The following SYMPK variants were observed in gnomAD, a reference collection of about 807,000 sequenced individuals.
SYMPK encodes symplekin scaffold protein.
SYMPK carries 49 observed loss-of-function variants against 136.4 expected under a neutral mutation model. The observed-to-expected ratio is 0.36, with a 90% confidence interval of 0.29 to 0.46. The LOEUF (loss-of-function observed/expected upper bound fraction) is 0.46, where lower values mean the gene tolerates loss of function less well. Ranked by LOEUF, SYMPK falls within the 20% of genes least tolerant of loss-of-function variation. SYMPK has a pLI of 1.00. For missense variants in SYMPK, 1,365 were observed against 1,690.0 expected (o/e 0.81, Z 3.37); for synonymous variants, 766 against 713.0 (o/e 1.07, Z -1.19).
chr19:45,816,698 T>C (rs1477286069), intron 24 of SYMPK, 100 bp downstream of exon 24: 3 of 1,499,056 alleles, frequency 2.0e-6, no homozygotes, highest in Admixed American at 2.2e-5. Context: ...CCTTCTTGTG[T>C]CCGCCTCCAT....
chr19:45,825,819 G>T (rs1008519469), intron 17 of SYMPK, among the ~76,000 whole-genome samples: 3 of 152,122 alleles, frequency 2.0e-5, no homozygotes, highest in Non-Finnish European at 4.4e-5. Flanking sequence ...CCTCCCGAAG[G>T]CTGTGCATCT....
rs1300689216 is a variant in SYMPK at position 45,838,441 on chromosome 19, C to T, written c.1242+20G>A. 2.2e-5 allele frequency: 36 copies of T among 1,600,298 alleles called. No individual in the cohort carries two copies. Among genetic ancestry groups the T allele is most frequent in the Middle Eastern group, 1.7e-4 (1 of 6,048 alleles). ...CCTTCCTTCCTGCCCAGGGGGAAAA[C>T]GCTCCCCACCCATCCTCACCAGATT... On this transcript the variant is annotated intron_variant, in intron 10 of 26. Transcript: ENST00000245934.
rs769791703 is a variant in SYMPK, at chr19:45,821,106, C to A, written c.2893+278G>T. 1.0e-5 allele frequency: 7 copies of A among 672,238 alleles called. No homozygotes were observed. Among genetic ancestry groups the A allele is most frequent in the Non-Finnish European group, 1.9e-5 (7 of 371,516 alleles). The allele number at this position is 672,238 out of a possible 1,614,324, so 41.6% of individuals were successfully genotyped here. The stretch of plus-strand genomic sequence containing the variant: ...GTGGGGCTACCCAACTGCTTTAGGC[C>A]CACTCTGTGCCAGGGCACAGCAGGT... On this transcript the variant is annotated intron_variant, in intron 22 of 26. Coordinates refer to ENST00000245934, the MANE Select transcript of SYMPK (RefSeq NM_004819.3). This position sits in a 1 kb window ranked among gnomAD's most constrained non-coding sequence, Gnocchi z 4.4.
chr19:45,830,319 T>G, intron 12 of SYMPK, 115 bp from the exon 13 acceptor site: 1 of 1,188,520 alleles, frequency 8.4e-7, no homozygotes, highest in Non-Finnish European at 1.2e-6. Context: ...CCCATCCCCC[T>G]GCTGCCTCTC....
chr19:45,839,419 C>G (rs1971383624), intron 9 of SYMPK, among the ~76,000 whole-genome samples: 1 of 152,136 alleles, frequency 6.6e-6, no homozygotes, highest in Non-Finnish European at 1.5e-5. Context: ...AAACAAATTC[C>G]TGATAGTAAG....
At position 45,827,871 on chromosome 19, in the gene SYMPK, G is replaced by A; in HGVS notation, c.2033C>T (p.Ala678Val). Residue 678 changes from alanine (A) to valine (V), a missense_variant, in exon 15 of 27, where the codon GCC (alanine) becomes GTC (valine). Transcript: ENST00000245934. Reference sequence around the variant, plus strand: ...GCAGTACTTGCGGACCACCTCCAGGGCACTCTCTGTGATGAGTGGCGCCTC... The same window carrying A: ...GCAGTACTTGCGGACCACCTCCAGGACACTCTCTGTGATGAGTGGCGCCTC... The part of the protein sequence containing the change: ...VLEAPLITES[A>V]LEVVRKYCED... 8 of 1,614,044 alleles carry A rather than the reference G, an allele frequency of 5.0e-6. No homozygotes were observed. Among genetic ancestry groups the A allele is most frequent in the Non-Finnish European group, 6.8e-6 (8 of 1,180,020 alleles).
At position 45,823,396 on chromosome 19, in the gene SYMPK, G is replaced by A. The variant is rs765103403; in HGVS notation, c.2676C>T (p.Ile892=). 6.2e-7 allele frequency: 1 copy of A among 1,614,064 alleles called. No homozygotes were observed. Among genetic ancestry groups the A allele is most frequent in the Non-Finnish European group, 8.5e-7 (1 of 1,180,026 alleles). Residue 892 remains isoleucine, a synonymous_variant, in exon 20 of 27, where the codon ATC becomes ATT. Coordinates refer to ENST00000245934, the MANE Select transcript of SYMPK (RefSeq NM_004819.3). The stretch of plus-strand genomic sequence containing the variant: ...CCTTCTCCAGCCCATTGAGCACCGG[G>A]ATGAGGAAGCGGACGTCTGGCAGTC... ...HKRLPDVRFL[I]PVLNGLEKKE...
Position 45,847,752 on chromosome 19 carries a change from T to C in SYMPK, c.676A>G (p.Asn226Asp). Residue 226 changes from asparagine (N) to aspartate (D), a missense_variant and splice_region_variant, in exon 7 of 27, where the codon AAC becomes GAC. Asn to Asp is a conservative substitution (Grantham distance 23). This residue lies in a region of SYMPK where 237 missense variants were observed against 292.9 expected (regional missense o/e 0.81). Coordinates refer to ENST00000245934, the MANE Select transcript of SYMPK (RefSeq NM_004819.3). ...IPRDHPYIQY[N>D]VLWEEGKAAL... ...GGTGGCAGCTGAAGGCAGTACTCACTGTACTGGATGTAGGGGTGGTCACGA... is the reference window on the plus strand; with the variant it reads ...GGTGGCAGCTGAAGGCAGTACTCACCGTACTGGATGTAGGGGTGGTCACGA... 1 of 1,611,930 alleles carries C rather than the reference T, an allele frequency of 6.2e-7. No individual in the cohort carries two copies. The highest frequency in any genetic ancestry group is 8.5e-7 in the Non-Finnish European group (1 of 1,178,742).
intron 3 of SYMPK, among the ~76,000 whole-genome samples, chr19:45,853,758 CT>C (rs1971749882): frequency 6.6e-6 from 1 of 151,930 alleles, no homozygotes; most frequent in Non-Finnish European, 1.5e-5. Context: ...CAGAGCCCCC[CT>C]GGGCTCCCTT....
chr19:45,853,796 G>C (rs1971750685), intron 3 of SYMPK, among the ~76,000 whole-genome samples: 1 of 152,100 alleles, frequency 6.6e-6, no homozygotes, highest in South Asian at 2.1e-4. Flanking sequence ...CCCACACTGG[G>C]TCATCATTGC....
chr19:45,847,650 G>A, intron 7 of SYMPK, 102 bp downstream of exon 7: 1 of 1,443,730 alleles, frequency 6.9e-7, no homozygotes, highest in Non-Finnish European at 9.3e-7. Flanking sequence ...CACTGTTCCA[G>A]AAATTTAAAA....
intron 19 of SYMPK, 143 bp from the exon 20 acceptor site, chr19:45,823,615 A>G (rs1970962066): frequency 3.1e-6 from 3 of 963,154 alleles, no homozygotes; most frequent in Admixed American, 4.1e-5. Flanking sequence ...TTAGCACCAC[A>G]CTGTTCCAAA....
chr19:45,842,849 C>T (rs1971474619), intron 8 of SYMPK: 2 of 237,180 alleles, frequency 8.4e-6, no homozygotes, highest in Non-Finnish European at 1.7e-5. Flanking sequence ...CAGCTCACTG[C>T]TAGTCTCCCT....
In SYMPK at chr19:45,847,990, C is replaced by A; in HGVS notation, c.438G>T (p.Lys146Asn). Reference sequence around the variant, plus strand: ...CCTGTAGCTCGCTAATGACCCGTGACTTTACCATCCACTGCCAGCAGGCCA... The same window carrying A: ...CCTGTAGCTCGCTAATGACCCGTGAATTTACCATCCACTGCCAGCAGGCCA... ...LYKVALQWMV[K>N]SRVISELQEA... The change falls in exon 7 of 27, where the codon AAG becomes AAT. Residue 146 changes from lysine to asparagine, a missense_variant. Coordinates refer to ENST00000245934, the MANE Select transcript of SYMPK (RefSeq NM_004819.3). 1 of 1,584,780 alleles carries A rather than the reference C, an allele frequency of 6.3e-7. No homozygotes were observed.
intron 6 of SYMPK, among the ~76,000 whole-genome samples, chr19:45,848,322 T>C (rs144496377): frequency 6.6e-6 from 1 of 152,332 alleles, no homozygotes; most frequent in Non-Finnish European, 1.5e-5. Context: ...ATTCATTCGT[T>C]TTATTAATGC....
intron 10 of SYMPK, among the ~76,000 whole-genome samples, chr19:45,836,257 T>C (rs1307451754): frequency 6.6e-6 from 1 of 151,704 alleles, no homozygotes; most frequent in Non-Finnish European, 1.5e-5. Context: ...AATTTTTGTA[T>C]GTTTAGTAGA....
Position 45,823,871 on chromosome 19 carries a change from C to T in SYMPK, c.2495G>A (p.Arg832Gln), listed in dbSNP as rs367969885. 21 of 1,613,588 alleles carry T rather than the reference C, an allele frequency of 1.3e-5. No homozygotes were observed. Among genetic ancestry groups the T allele is most frequent in the African/African-American group, 2.7e-5 (2 of 74,896 alleles). Residue 832 changes from arginine (R) to glutamine (Q), a missense_variant, in exon 19 of 27, where the codon CGA becomes CAA. Coordinates refer to ENST00000245934, the MANE Select transcript of SYMPK (RefSeq NM_004819.3). Reference sequence around the variant, plus strand: ...CTCCGGGGAGTTCATGCCCATTCCTCGGATCTAGAGGCAGAGACAGGGATG... The same window carrying T: ...CTCCGGGGAGTTCATGCCCATTCCTTGGATCTAGAGGCAGAGACAGGGATG... ...TVLRVIEQPI[R>Q]GMGMNSPELL... is the part of the protein sequence containing the mutation.
At chr19:45,825,822 G>T in intron 17 of SYMPK, among the ~76,000 whole-genome samples, 1 of 152,210 alleles carries the variant, frequency 6.6e-6, no homozygotes, top group East Asian at 1.9e-4. Context: ...CCCGAAGGCT[G>T]TGCATCTCCT....
chr19:45,823,957 G>A, intron 18 of SYMPK, 82 bp from the exon 19 acceptor site: 2 of 1,074,278 alleles, frequency 1.9e-6, no homozygotes, highest in Non-Finnish European at 2.8e-6. Context: ...GTGGCTTGCG[G>A]GGCATGCTGG....
Sources: gnomAD v4.1 joint callset for allele counts (sites outside exome capture counted in the v4.1 genomes callset) on GRCh38, gnomAD v4.1.1 for gene constraint, gnomAD v4.1.1 regional missense constraint, Gnocchi (gnomAD v3.1) non-coding constraint, MANE v1.5 for transcripts, NCBI Gene and HGNC (gene_info 2026-07-23, HGNC 2026-07-21) for gene names.